TXNRD1: variants seen among roughly 807,000 people sequenced by gnomAD.
The protein encoded by TXNRD1 is thioredoxin reductase 1, cytoplasmic.
Under a neutral mutation model 80.3 loss-of-function variants are expected in TXNRD1, and 57 were observed. The observed-to-expected ratio is 0.71, with a 90% CI of 0.57 to 0.89. The LOEUF is 0.89. TXNRD1 is among the 40% of genes least tolerant of loss of function. The pLI is 0.00. For missense variants in TXNRD1, 730 were observed against 803.0 expected, an observed-to-expected ratio of 0.91 and a Z score of 1.10; for synonymous variants, 291 against 285.2, an observed-to-expected ratio of 1.02 and a Z score of -0.20.
intron 1 of TXNRD1, among the ~76,000 whole-genome samples, chr12:104,247,058 TTTTG>T (rs142055928): frequency 0.12 from 18,784 of 151,572 alleles, 1,953 homozygotes; most frequent in African/African-American, 0.29. Context: ...CATTACAGTT[TTTTG>T]TTTGTTTGTT....
intron 1 of TXNRD1, among the ~76,000 whole-genome samples, chr12:104,221,524 G>A (rs1052691590): frequency 5.3e-5 from 8 of 151,974 alleles, no homozygotes; most frequent in African/African-American, 1.9e-4. Flanking sequence ...CTCCATGTTG[G>A]TCAGGTTGGT....
At chr12:104,339,520 T>C in intron 16 of TXNRD1, 1 of 626,920 alleles carries the variant, frequency 1.6e-6, no homozygotes, top group Non-Finnish European at 2.9e-6. Context: ...GCCTTAAATA[T>C]TTTATTTATC....
intron 1 of TXNRD1, among the ~76,000 whole-genome samples, chr12:104,251,036 C>A (rs1411737835): frequency 6.6e-6 from 1 of 152,138 alleles, no homozygotes; most frequent in Non-Finnish European, 1.5e-5. Flanking sequence ...CTGCATCTTG[C>A]CTGAAGATCC....
intron 16 of TXNRD1, among the ~76,000 whole-genome samples, chr12:104,343,029 G>T (rs2036376891): frequency 6.6e-6 from 1 of 152,182 alleles, no homozygotes; most frequent in Non-Finnish European, 1.5e-5. Context: ...ACTCAGGTTT[G>T]TGTCCTGCAG....
At chr12:104,247,452 G>A (rs934804320) in intron 1 of TXNRD1, among the ~76,000 whole-genome samples, 1 of 152,050 alleles carries the variant, frequency 6.6e-6, no homozygotes, top group Non-Finnish European at 1.5e-5. Context: ...TTTGAATGCT[G>A]CTTCAAATTT....
intron 1 of TXNRD1, among the ~76,000 whole-genome samples, chr12:104,242,848 C>T (rs2032904120): frequency 6.6e-6 from 1 of 152,122 alleles, no homozygotes; most frequent in Admixed American, 6.6e-5. Context: ...ATGAACCATT[C>T]CATAAACCAG....
At chr12:104,288,326 T>A (rs773540810) in intron 3 of TXNRD1, among the ~76,000 whole-genome samples, 5 of 152,228 alleles carry the variant, frequency 3.3e-5, no homozygotes, top group Non-Finnish European at 7.3e-5. Flanking sequence ...AACTGTGGAA[T>A]CTGTATGTTC....
At chr12:104,328,242 A>G (rs905266579) in intron 13 of TXNRD1, among the ~76,000 whole-genome samples, 13 of 150,302 alleles carry the variant, frequency 8.6e-5, no homozygotes, top group African/African-American at 2.7e-4. Context: ...TTGATTAATC[A>G]AGTTTTCAGC....
rs1332927756 is a variant in TXNRD1, at chr12:104,350,289, CG to C, written c.*1869del. 3 of 152,176 alleles carry C rather than the reference CG, an allele frequency of 2.0e-5. No individual in the cohort carries two copies. Among genetic ancestry groups the C allele is most frequent in the Non-Finnish European group, 4.4e-5 (3 of 68,036 alleles). 9.4% of individuals were successfully genotyped at this position (152,176 alleles called of 1,614,324 possible). A position where few individuals can be genotyped will look rare whatever the true frequency, so the allele number is the denominator to read the frequency against. ...AATTAAAAGGCATTAATAATATCCA[CG>C]TGTGCCTTCTTACTGAATGATGGTC... On this transcript the variant is annotated 3_prime_UTR_variant, in exon 17 of 17. Coordinates refer to ENST00000525566, the MANE Select transcript of TXNRD1 (RefSeq NM_001093771.3).
chr12:104,225,014 G>T (rs2032441453), intron 1 of TXNRD1: 1 of 405,824 alleles, frequency 2.5e-6, no homozygotes, highest in Non-Finnish European at 4.9e-6. Flanking sequence ...TGAAAGAGGG[G>T]ATAACACCAA....
chr12:104,251,250 G>A (rs1351255390), intron 1 of TXNRD1, among the ~76,000 whole-genome samples: 2 of 152,174 alleles, frequency 1.3e-5, no homozygotes, highest in African/African-American at 4.8e-5. Context: ...ATTTTCCTGT[G>A]TCCAGGGAAG....
chr12:104,248,560 G>C (rs1466958805), intron 1 of TXNRD1, among the ~76,000 whole-genome samples: 1 of 152,248 alleles, frequency 6.6e-6, no homozygotes, highest in East Asian at 1.9e-4. Context: ...CAGGAATTAC[G>C]GGCGGGTGTG....
At chr12:104,252,691 T>TATATATATATA (rs34752671) in intron 2 of TXNRD1, among the ~76,000 whole-genome samples, 10 of 31,478 alleles carry the variant, frequency 3.2e-4, no homozygotes, top group Non-Finnish European at 3.6e-4. Flanking sequence ...TATATATATA[T>TATATATATATA]TTTTTTTTTT....
At chr12:104,294,962 C>G (rs1237043981) in intron 4 of TXNRD1, among the ~76,000 whole-genome samples, 6 of 152,204 alleles carry the variant, frequency 3.9e-5, no homozygotes, top group Admixed American at 3.9e-4. Context: ...ATAATCCCTT[C>G]TTTTTGGAGG....
chr12:104,239,506 T>C (rs2032813980), intron 1 of TXNRD1, among the ~76,000 whole-genome samples: 1 of 152,184 alleles, frequency 6.6e-6, no homozygotes, highest in African/African-American at 2.4e-5. Context: ...AGAGTTTTTA[T>C]TGCTAATTCA....
chr12:104,254,644 A>AAAAATATATATATATATATATATAT, intron 2 of TXNRD1, among the ~76,000 whole-genome samples: 1 of 93,638 alleles, frequency 1.1e-5, no homozygotes, highest in African/African-American at 5.2e-5. Flanking sequence ...AAAAAAAAAA[A>AAAAATATATATATATATATATATAT]ATATATATAT....
chr12:104,315,286 G>A (rs994918651), intron 6 of TXNRD1, among the ~76,000 whole-genome samples: 9 of 152,108 alleles, frequency 5.9e-5, no homozygotes, highest in Admixed American at 4.6e-4. Context: ...AACATGCTCC[G>A]AAAACTTACA....
chr12:104,237,433 C>T (rs543642403), intron 1 of TXNRD1, among the ~76,000 whole-genome samples: 1 of 152,296 alleles, frequency 6.6e-6, no homozygotes, highest in South Asian at 2.1e-4. Context: ...ACTACACTGT[C>T]TTCTCCCATA....
chr12:104,320,028 G>A (rs2035472216), intron 9 of TXNRD1, among the ~76,000 whole-genome samples: 1 of 152,160 alleles, frequency 6.6e-6, no homozygotes, highest in African/African-American at 2.4e-5. Context: ...GAGGCTGTCA[G>A]GCCATTTAGA....
Sources: allele counts gnomAD v4.1 joint callset (sites outside exome capture counted in the v4.1 genomes callset), GRCh38; gene constraint gnomAD v4.1.1; transcripts MANE v1.5; gene names NCBI Gene and HGNC (gene_info 2026-07-23, HGNC 2026-07-21).